The following AMD1 variants were observed in gnomAD, a reference collection of about 807,000 sequenced individuals.
The protein encoded by AMD1 is S-adenosylmethionine decarboxylase proenzyme.
AMD1 carries 11 observed loss-of-function variants against 40.2 expected under a neutral mutation model. The ratio of observed to expected loss-of-function variants is 0.27; its 90% confidence interval spans 0.17 to 0.45. AMD1 has a LOEUF of 0.45. AMD1 is among the 20% of genes least tolerant of loss of function. The probability of loss-of-function intolerance (pLI) is 1.00; values close to 1 mark genes in which losing one functional copy is unlikely to be tolerated. For synonymous variants in AMD1, 121 were observed against 130.8 expected (o/e 0.93, Z 0.51); for missense variants, 257 against 410.2 (o/e 0.63, Z 3.23).
At position 110,878,930 on chromosome 6, in the gene AMD1, G is replaced by A. The variant is rs569652689; in HGVS notation, c.110+3715G>A. 5.3e-5 allele frequency among the ~76,000 whole-genome samples: 8 copies of A among 152,222 alleles called. No homozygotes were observed. The East Asian group carries it at 1.2e-3, about 22-fold the overall frequency. ...ACTTATTTGACTACATCATTATGCA[G>A]CATTATTGCAATATCAATAATTTAC... On this transcript the variant is annotated intron_variant, in intron 1 of 8. Coordinates refer to ENST00000368885, the MANE Select transcript of AMD1 (RefSeq NM_001634.6).
the AMD1 span, among the ~76,000 whole-genome samples, chr6:110,862,381 T>C: frequency 1.3e-5 from 2 of 150,924 alleles, no homozygotes; most frequent in African/African-American, 2.4e-5. Context: ...TTGTATGGGG[T>C]ATAATGATGG....
chr6:110,860,801 GAAAAAA>G, the AMD1 span, among the ~76,000 whole-genome samples: 1 of 139,990 alleles, frequency 7.1e-6, no homozygotes, highest in Non-Finnish European at 1.5e-5. Flanking sequence ...CTCCATCTCA[GAAAAAA>G]AACAAAAACA....
chr6:110,852,056 G>GTTT, the AMD1 span, among the ~76,000 whole-genome samples: 1 of 137,626 alleles, frequency 7.3e-6, no homozygotes, highest in African/African-American at 2.6e-5. Context: ...AGATTTTTTT[G>GTTT]TTTTTTTTTT....
the AMD1 span, among the ~76,000 whole-genome samples, chr6:110,833,146 A>G: frequency 6.6e-6 from 1 of 152,184 alleles, no homozygotes; most frequent in Middle Eastern, 3.2e-3. Flanking sequence ...AACCAGAAGC[A>G]AGAATCACAG....
chr6:110,826,713 G>A, the AMD1 span, among the ~76,000 whole-genome samples: 10 of 145,438 alleles, frequency 6.9e-5, no homozygotes, highest in African/African-American at 1.3e-4. Context: ...TTTGTGAGAC[G>A]GAGTTTCACT....
chr6:110,816,476 TTTA>T, the AMD1 span, among the ~76,000 whole-genome samples: 1 of 152,212 alleles, frequency 6.6e-6, no homozygotes, highest in Non-Finnish European at 1.5e-5. Flanking sequence ...ATTGATGTCT[TTTA>T]GCAAAATAAA....
the AMD1 span, among the ~76,000 whole-genome samples, chr6:110,865,894 C>G: frequency 2.6e-5 from 4 of 151,924 alleles, no homozygotes; most frequent in African/African-American, 9.7e-5. Flanking sequence ...TCCTGAATAG[C>G]TGGGATTACA....
chr6:110,853,550 G>T, the AMD1 span, among the ~76,000 whole-genome samples: 15 of 151,892 alleles, frequency 9.9e-5, no homozygotes, highest in Admixed American at 7.9e-4. Flanking sequence ...CTCATGATCC[G>T]CCTGCCTCGG....
chr6:110,884,718 TA>T (rs1398311892), intron 1 of AMD1, among the ~76,000 whole-genome samples: 1 of 152,018 alleles, frequency 6.6e-6, no homozygotes, highest in Non-Finnish European at 1.5e-5. Flanking sequence ...CAACAGCCTT[TA>T]AAAAAAGAGA....
the AMD1 span, among the ~76,000 whole-genome samples, chr6:110,846,869 C>CA: frequency 1.2e-3 from 171 of 146,122 alleles, 1 homozygote; most frequent in African/African-American, 3.8e-3. Flanking sequence ...GACTCTGTCT[C>CA]AAAAAAAAAA....
chr6:110,887,506 T>A lies in AMD1; in HGVS notation c.112T>A (p.Ser38Thr). 1.9e-6 allele frequency: 3 copies of A among 1,598,234 alleles called. No individual in the cohort carries two copies. In the South Asian group the frequency reaches 3.4e-5, roughly 18 times the overall value. Residue 38 changes from serine to threonine, a missense_variant and splice_region_variant, in exon 2 of 9, where the codon TCT becomes ACT. Physicochemically the swap from Ser to Thr is moderately conservative, Grantham distance 58. Coordinates refer to ENST00000368885, the MANE Select transcript of AMD1 (RefSeq NM_001634.6). ...GSGDLRTIPR[S>T]EWDILLKDVQ... ...CGTAACTTTTTTGTTAAATGATAGA[T>A]CTGAGTGGGACATACTTTTGAAGGA...
At chr6:110,847,063 GGTGTGTGTGT>G in the AMD1 span, among the ~76,000 whole-genome samples, 1 of 143,180 alleles carries the variant, frequency 7.0e-6, no homozygotes, top group Non-Finnish European at 1.5e-5. Context: ...GTGTGTGTGT[GGTGTGTGTGT>G]GTGTGTGTGT....
chr6:110,847,060 T>TG, the AMD1 span, among the ~76,000 whole-genome samples: 1 of 139,590 alleles, frequency 7.2e-6, no homozygotes, highest in African/African-American at 2.8e-5. Context: ...TGTGTGTGTG[T>TG]GTGGTGTGTG....
the AMD1 span, among the ~76,000 whole-genome samples, chr6:110,849,143 A>G: frequency 1.3e-5 from 2 of 152,190 alleles, no homozygotes; most frequent in Non-Finnish European, 2.9e-5. Flanking sequence ...TTTGTTTTAA[A>G]GGCTTTTATC....
At chr6:110,883,463 G>A (rs560757154) in intron 1 of AMD1, among the ~76,000 whole-genome samples, 3 of 152,330 alleles carry the variant, frequency 2.0e-5, no homozygotes, top group Admixed American at 6.5e-5. Context: ...AGGCCCCTTT[G>A]AATCAGAGTG....
intron 3 of AMD1, 151 bp from the exon 4 acceptor site, chr6:110,890,103 C>T (rs1785931264): frequency 1.7e-6 from 1 of 578,436 alleles, no homozygotes; most frequent in Non-Finnish European, 3.0e-6. Flanking sequence ...AGCGAGACTA[C>T]AGGCATATGC....
chr6:110,855,236 A>G, the AMD1 span, among the ~76,000 whole-genome samples: 2 of 151,864 alleles, frequency 1.3e-5, no homozygotes, highest in Non-Finnish European at 2.9e-5. Context: ...GAAATAAATG[A>G]GAAATTTCTG....
At chr6:110,889,304 A>G (rs1318860779) in intron 3 of AMD1, 1 of 179,312 alleles carries the variant, frequency 5.6e-6, no homozygotes, top group Non-Finnish European at 1.2e-5. Context: ...AAATGTCGTT[A>G]CTGAAATTGT....
At chr6:110,843,227 C>T in the AMD1 span, among the ~76,000 whole-genome samples, 1 of 151,888 alleles carries the variant, frequency 6.6e-6, no homozygotes, top group African/African-American at 2.4e-5. Context: ...CTTTGGAAGG[C>T]CTGGGCGGGC....
Sources: gnomAD v4.1 joint callset for allele counts (sites outside exome capture counted in the v4.1 genomes callset) on GRCh38, gnomAD v4.1.1 for gene constraint, MANE v1.5 for transcripts, NCBI Gene and HGNC (gene_info 2026-07-23, HGNC 2026-07-21) for gene names.